The following FAM124A variants were observed in gnomAD, a reference collection of about 807,000 sequenced individuals.
FAM124A encodes protein FAM124A.
A neutral mutation model predicts 24.5 loss-of-function variants in FAM124A; 23 were observed. The ratio of observed to expected loss-of-function variants is 0.94; its 90% CI spans 0.68 to 1.33. The LOEUF (loss-of-function observed/expected upper bound fraction) is 1.33. Ranked by LOEUF, FAM124A falls within the 40% of genes most tolerant of loss-of-function variation. FAM124A has a pLI of 0.00. For synonymous variants in FAM124A, 287 were observed against 314.7 expected (o/e 0.91, Z 0.93); for missense variants, 623 against 722.8 (o/e 0.86, Z 1.58).
At position 51,231,334 on chromosome 13, in the gene FAM124A, G is replaced by A. The variant is rs752876709; in HGVS notation, c.69-14G>A. The A allele has an allele frequency of 6.2e-7, 1 of 1,613,760 alleles. No homozygotes were observed. Among genetic ancestry groups the A allele is most frequent in the Non-Finnish European group, 8.5e-7 (1 of 1,179,890 alleles). ...GATAAAGAATTCTACTAACGCTGAG[G>A]TCTTGTGTTTCAGGTCCGACTACAG... On this transcript the variant is annotated splice_polypyrimidine_tract_variant and intron_variant, in intron 1 of 3. Coordinates refer to ENST00000322475, the MANE Select transcript of FAM124A (RefSeq NM_001242312.2).
At position 51,272,990 on chromosome 13, in the gene FAM124A, C is replaced by A. The variant is rs73490199; in HGVS notation, c.835-7460C>A. Among the ~76,000 whole-genome samples the A allele has an allele frequency of 0.013, 2,018 of 152,062 alleles. 45 individuals are homozygous for A. Among genetic ancestry groups the A allele is most frequent in the African/African-American group, 0.046 (1,913 of 41,506 alleles). On this transcript the variant is annotated intron_variant, in intron 3 of 3. Transcript: ENST00000322475. The surrounding 1 kb of genome is among the most constrained non-coding windows in gnomAD (Gnocchi z 4.2). The stretch of plus-strand genomic sequence containing the variant: ...GATAAGGGTAAAACCTCTTTTTTTC[C>A]CCCATTATAAGCTTTGTAGAACTAA...
intron 2 of FAM124A, among the ~76,000 whole-genome samples, chr13:51,239,299 C>G (rs958541764): frequency 3.9e-5 from 6 of 152,186 alleles, no homozygotes; most frequent in Admixed American, 2.6e-4. Context: ...ATCCTACTAT[C>G]CAGAAGCAAC....
chr13:51,281,243 A>G lies in FAM124A; in HGVS notation c.1628A>G (p.Glu543Gly), dbSNP rs776797685. 2 of 1,571,248 alleles carry G rather than the reference A, an allele frequency of 1.3e-6. No homozygotes were observed. The highest frequency in any genetic ancestry group is 1.8e-5 in the Admixed American group (1 of 56,880). The stretch of plus-strand genomic sequence containing the variant: ...GGCCCCGGGGATAACGACATGGAGG[A>G]ATTCTACATCTGAATGCCCTCTGCT... ...SAGPGDNDME[E>G]FYI The change falls in exon 4 of 4, where the codon GAA (glutamate) becomes GGA (glycine). Residue 543 changes from glutamate (E) to glycine (G), a missense_variant. Coordinates refer to ENST00000322475, the MANE Select transcript of FAM124A (RefSeq NM_001242312.2).
intron 3 of FAM124A, among the ~76,000 whole-genome samples, chr13:51,264,943 C>G (rs574480247): frequency 6.6e-6 from 1 of 152,388 alleles, no homozygotes; most frequent in African/African-American, 2.4e-5. Flanking sequence ...AGACTGGTCT[C>G]TGAGCCAGGG....
At position 51,251,512 on chromosome 13, in the gene FAM124A, A is replaced by G; in HGVS notation, c.145A>G (p.Ile49Val). The G allele has an allele frequency of 1.3e-6, 2 of 1,511,624 alleles. No individual in the cohort carries two copies. The highest frequency in any genetic ancestry group is 1.8e-6 in the Non-Finnish European group (2 of 1,129,494). 93.6% of individuals were successfully genotyped at this position (1,511,624 alleles called of 1,614,324 possible). ...GGCGCAGGACCCTTTCCTGGTCAGC[A>G]TCCACATAATCGCAGACCCAGGGGA... ...EEAQDPFLVS[I>V]HIIADPGESQ... The change falls in exon 3 of 4, where the codon ATC (isoleucine) becomes GTC (valine). Residue 49 changes from isoleucine (I) to valine (V), a missense_variant. Ile to Val is a conservative substitution (Grantham distance 29). Transcript: ENST00000322475. The surrounding 1 kb of genome is among the most constrained non-coding windows in gnomAD (Gnocchi z 5.3).
intron 2 of FAM124A, chr13:51,245,327 GGC>G: frequency 1.5e-6 from 1 of 686,666 alleles, no homozygotes; most frequent in Non-Finnish European, 2.7e-6. Context: ...TTCTCCACCT[GGC>G]GGATGCCATG....
At chr13:51,249,369 A>G (rs1954596885) in intron 2 of FAM124A, among the ~76,000 whole-genome samples, 1 of 152,238 alleles carries the variant, frequency 6.6e-6, no homozygotes, top group Non-Finnish European at 1.5e-5. Flanking sequence ...GACAATTTAA[A>G]GGATTCCACT....
At chr13:51,261,218 T>G (rs1490029344) in intron 3 of FAM124A, among the ~76,000 whole-genome samples, 2 of 152,068 alleles carry the variant, frequency 1.3e-5, no homozygotes, top group Non-Finnish European at 2.9e-5. Context: ...GGGTGGGAGA[T>G]CCACATGTGG....
chr13:51,238,045 T>G (rs1368059616), intron 2 of FAM124A, among the ~76,000 whole-genome samples: 1 of 152,222 alleles, frequency 6.6e-6, no homozygotes, highest in Admixed American at 6.5e-5. Flanking sequence ...GTGACACTAA[T>G]AGGCCACAGG....
At chr13:51,227,606 T>A (rs1423027010) in intron 1 of FAM124A, among the ~76,000 whole-genome samples, 1 of 152,158 alleles carries the variant, frequency 6.6e-6, no homozygotes, top group African/African-American at 2.4e-5. Context: ...AGAAACAGAA[T>A]CCCTTAAATA....
At chr13:51,274,508 C>G (rs1215682727) in intron 3 of FAM124A, among the ~76,000 whole-genome samples, 1 of 152,168 alleles carries the variant, frequency 6.6e-6, no homozygotes, top group African/African-American at 2.4e-5. Flanking sequence ...GAGGCAACTA[C>G]TCAGATATTT....
intron 2 of FAM124A, among the ~76,000 whole-genome samples, chr13:51,247,960 T>C (rs149504143): frequency 6.6e-6 from 1 of 152,328 alleles, no homozygotes; most frequent in East Asian, 1.9e-4. Context: ...GGGCCAGAAT[T>C]ATCTCTGAAT....
At chr13:51,230,535 C>T (rs1190390776) in intron 1 of FAM124A, among the ~76,000 whole-genome samples, 1 of 152,170 alleles carries the variant, frequency 6.6e-6, no homozygotes, top group Admixed American at 6.5e-5. Flanking sequence ...CTGAGAATGA[C>T]TTTGGGACAC....
chr13:51,249,246 C>T (rs1285955910), intron 2 of FAM124A, among the ~76,000 whole-genome samples: 1 of 152,212 alleles, frequency 6.6e-6, no homozygotes, highest in Non-Finnish European at 1.5e-5. Context: ...AAGCCTTCTG[C>T]AGAGCCCTCC....
At chr13:51,231,823 C>T (rs1478331068) in intron 2 of FAM124A, among the ~76,000 whole-genome samples, 1 of 152,220 alleles carries the variant, frequency 6.6e-6, no homozygotes, top group Non-Finnish European at 1.5e-5. Flanking sequence ...ATGGAGGGAA[C>T]ATCTATCTCT....
Position 51,238,410 on chromosome 13 carries a change from C to T in FAM124A, c.100+7031C>T, listed in dbSNP as rs375501101. 1.4e-4 allele frequency among the ~76,000 whole-genome samples: 21 copies of T among 152,340 alleles called. No homozygotes were observed. In the East Asian group the frequency reaches 4.1e-3, roughly 29 times the overall value. On this transcript the variant is annotated intron_variant, in intron 2 of 3. Transcript: ENST00000322475. ...TTATGCAAGCTCGCTCTTAAATCAT[C>T]CCTGATACAGGTGGCTTATCTGAAT...
chr13:51,236,681 A>G (rs1044634345), intron 2 of FAM124A, among the ~76,000 whole-genome samples: 2 of 152,208 alleles, frequency 1.3e-5, no homozygotes, highest in African/African-American at 4.8e-5. Context: ...GGGATAATGA[A>G]GTATTTATTA....
Position 51,222,499 on chromosome 13 carries a change from A to T in FAM124A, c.-3A>T. 1 of 1,223,626 alleles carries T rather than the reference A, an allele frequency of 8.2e-7. No homozygotes were observed. 75.8% of individuals were successfully genotyped at this position (1,223,626 alleles called of 1,614,324 possible). On this transcript the variant is annotated 5_prime_UTR_variant, in exon 1 of 4. Coordinates refer to ENST00000322475, the MANE Select transcript of FAM124A (RefSeq NM_001242312.2). ...CAAGCCGAGCGCGGCCGGGACGTGC[A>T]CCATGGACCCAAAGGCGGGCGGCGG...
At chr13:51,230,913 G>A (rs1289785932) in intron 1 of FAM124A, among the ~76,000 whole-genome samples, 1 of 152,116 alleles carries the variant, frequency 6.6e-6, no homozygotes, top group Non-Finnish European at 1.5e-5. Flanking sequence ...CTCTCTCCTC[G>A]CGCTGGGATC....
Sources: gnomAD v4.1 joint callset for allele counts (sites outside exome capture counted in the v4.1 genomes callset) on GRCh38, gnomAD v4.1.1 for gene constraint, Gnocchi (gnomAD v3.1) non-coding constraint, MANE v1.5 for transcripts, NCBI Gene and HGNC (gene_info 2026-07-23, HGNC 2026-07-21) for gene names.